The following SCN4A variants were observed in gnomAD, a reference collection of about 807,000 sequenced individuals.
SCN4A encodes sodium channel protein type 4 subunit alpha.
SCN4A carries 83 observed loss-of-function variants against 162.0 expected under a neutral mutation model. That is an observed-to-expected ratio of 0.51 (90% CI 0.43 to 0.61). The LOEUF (loss-of-function observed/expected upper bound fraction) is 0.61, where lower values mean the gene tolerates loss of function less well. Among genes scored for constraint, SCN4A ranks in the 20% least tolerant of loss-of-function variants. The pLI is 0.00. For missense variants in SCN4A, 2,196 were observed against 2,462.5 expected, an observed-to-expected ratio of 0.89 and a Z score of 2.29; for synonymous variants, 944 against 985.1, an observed-to-expected ratio of 0.96 and a Z score of 0.78.
At position 63,940,491 on chromosome 17, in the gene SCN4A, A is replaced by T; in HGVS notation, c.*280T>A. On this transcript the variant is annotated 3_prime_UTR_variant, in exon 24 of 24. Transcript: ENST00000435607. ...CCCCCAGGCCAAAAGGAGGGGCGAC[A>T]GGGCCCAGAGGAGGTCAGAGCAACT... is the stretch of plus-strand genomic sequence containing the variant. 2.5e-6 allele frequency: 1 copy of T among 407,094 alleles called. No individual in the cohort carries two copies. The highest frequency in any genetic ancestry group is 4.4e-6 in the Non-Finnish European group (1 of 229,272). 25.2% of individuals were successfully genotyped at this position (407,094 alleles called of 1,614,324 possible).
intron 11 of SCN4A, among the ~76,000 whole-genome samples, chr17:63,960,410 T>G (rs1221527747): frequency 6.6e-6 from 1 of 152,174 alleles, no homozygotes; most frequent in Admixed American, 6.5e-5. Flanking sequence ...CAGGGTTTGA[T>G]TCTCGTGCCA....
At chr17:63,952,249 G>A (rs1229276935) in intron 13 of SCN4A, among the ~76,000 whole-genome samples, 1 of 150,634 alleles carries the variant, frequency 6.6e-6, no homozygotes, top group African/African-American at 2.5e-5. Context: ...TCCAGACTCC[G>A]GGCTGGAGTG....
intron 10 of SCN4A, 70 bp from the exon 11 acceptor site, chr17:63,961,501 CTT>C (rs1436506305): frequency 9.5e-6 from 11 of 1,162,114 alleles, no homozygotes; most frequent in Non-Finnish European, 1.3e-5. Context: ...CCAGCTAGAG[CTT>C]TTGTTCCACC....
chr17:63,964,488 G>T lies in SCN4A; in HGVS notation c.1432C>A (p.His478Asn). 1.2e-6 allele frequency: 2 copies of T among 1,613,994 alleles called. No homozygotes were observed. The highest frequency in any genetic ancestry group is 1.7e-6 in the Non-Finnish European group (2 of 1,179,876). Reference protein sequence around the residue: ...FQQMLEKFKKHQEELEKAKAA... With the variant: ...FQQMLEKFKKNQEELEKAKAA... ...CAGACCTTCTCCAGCTCCTCCTGGT[G>T]CTTTTTGAACTTCTCAAGCATCTGC... The change falls in exon 9 of 24, where the codon CAC (histidine) becomes AAC (asparagine). Residue 478 changes from histidine to asparagine, a missense_variant. Transcript: ENST00000435607.
At chr17:63,952,753 T>TC (rs995483171) in intron 13 of SCN4A, among the ~76,000 whole-genome samples, 2 of 151,570 alleles carry the variant, frequency 1.3e-5, no homozygotes, top group African/African-American at 4.9e-5. Context: ...CTACTGCTGC[T>TC]CCCCCCCAGC....
rs928723561 is a variant in SCN4A, at chr17:63,942,317, CAGAGAG to C, written c.4289-330_4289-325del. ...TGTGAAAGAGACAGAGAGAGAGAGA[CAGAGAG>C]AGAGGGAGACAGAACAGCTGCGTGA... is the stretch of plus-strand genomic sequence containing the variant. On this transcript the variant is annotated intron_variant, in intron 23 of 23. Coordinates refer to ENST00000435607, the MANE Select transcript of SCN4A (RefSeq NM_000334.4). Among the ~76,000 whole-genome samples the C allele has an allele frequency of 2.8e-5, 4 of 144,158 alleles. No individual in the cohort carries two copies. In the South Asian group the frequency reaches 9.0e-4, roughly 32 times the overall value. 94.6% of individuals were successfully genotyped at this position (144,158 alleles called of 152,430 possible). A position where few individuals can be genotyped will look rare whatever the true frequency, so the allele number is the denominator to read the frequency against.
At position 63,944,598 on chromosome 17, in the gene SCN4A, C is replaced by A; in HGVS notation, c.3912+75G>T. The A allele has an allele frequency of 6.7e-7, 1 of 1,502,870 alleles. No individual in the cohort carries two copies. Among genetic ancestry groups the A allele is most frequent in the Non-Finnish European group, 9.0e-7 (1 of 1,108,848 alleles). The allele number at this position is 1,502,870 out of a possible 1,614,324, so 93.1% of individuals were successfully genotyped here. On this transcript the variant is annotated intron_variant, in intron 21 of 23. Coordinates refer to ENST00000435607, the MANE Select transcript of SCN4A (RefSeq NM_000334.4). This position sits in a 1 kb window ranked among gnomAD's most constrained non-coding sequence, Gnocchi z 4.3. The stretch of plus-strand genomic sequence containing the variant: ...CTCAGGCAGCGTTTGTGGGTTTGTG[C>A]AATGGAGAGTGGACAAAGGAGGCAG...
chr17:63,942,989 G>C lies in SCN4A; in HGVS notation c.4125C>G (p.Asp1375Glu). ...TGTCCACCTTGAGCTGGCTCTGGTT[G>C]TCTGTCTCCACCATCATGGTGACCA... The part of the protein sequence containing the change: ...LNMVTMMVET[D>E]NQSQLKVDIL... Residue 1375 changes from aspartate (D) to glutamate (E), a missense_variant, in exon 23 of 24, where the codon GAC (aspartate) becomes GAG (glutamate). Transcript: ENST00000435607. 6.2e-7 allele frequency: 1 copy of C among 1,613,982 alleles called. No homozygotes were observed. The highest frequency in any genetic ancestry group is 8.5e-7 in the Non-Finnish European group (1 of 1,179,854).
rs770836153 is a variant in SCN4A at position 63,942,896 on chromosome 17, G to C, written c.4218C>G (p.Ala1406=). Residue 1406 remains alanine, a synonymous_variant, in exon 23 of 24, where the codon GCC becomes GCG. Transcript: ENST00000435607. ...CAACGGTGAAGTAGTACTGGCGCAGGGCGAGCATCTTGAGCACGCACTCCC... is the reference window on the plus strand; with the variant it reads ...CAACGGTGAAGTAGTACTGGCGCAGCGCGAGCATCTTGAGCACGCACTCCC... ...FTGECVLKML[A]LRQYYFTVGW... is the part of the protein sequence containing the mutation. The C allele has an allele frequency of 1.2e-5, 20 of 1,613,924 alleles. No individual in the cohort carries two copies. The highest frequency in any genetic ancestry group is 1.7e-5 in the Non-Finnish European group (20 of 1,179,886).
intron 5 of SCN4A, among the ~76,000 whole-genome samples, 161 bp from the exon 6 acceptor site, chr17:63,968,516 C>T (rs1909525406): frequency 6.6e-6 from 1 of 152,244 alleles, no homozygotes; most frequent in South Asian, 2.1e-4. Context: ...CTCCACCCTT[C>T]TCTGTTCACA....
At chr17:63,960,802 G>A (rs573342206) in intron 11 of SCN4A, among the ~76,000 whole-genome samples, 3 of 152,100 alleles carry the variant, frequency 2.0e-5, no homozygotes, top group South Asian at 4.2e-4. Context: ...AGATCCCTTG[G>A]CTCCTTTCAG....
rs369874235 is a variant in SCN4A at position 63,948,722 on chromosome 17, C to G, written c.3033G>C (p.Gln1011His). 1.9e-6 allele frequency: 3 copies of G among 1,613,130 alleles called. No individual in the cohort carries two copies. Among genetic ancestry groups the G allele is most frequent in the African/African-American group, 2.7e-5 (2 of 74,940 alleles). Residue 1011 changes from glutamine to histidine, a missense_variant, in exon 16 of 24, where the codon CAG (glutamine) becomes CAC (histidine). Transcript: ENST00000435607. Reference sequence around the variant, plus strand: ...GAGTCCACCACTTCTTCCCACGGCCCTGGGAGATGTCCACGTAGAGGCAGG... The same window carrying G: ...GAGTCCACCACTTCTTCCCACGGCCGTGGGAGATGTCCACGTAGAGGCAGG... ...RWPCLYVDIS[Q>H]GRGKKWWTLR... is the part of the protein sequence containing the mutation.
In SCN4A at chr17:63,951,856, G is replaced by T; in HGVS notation, c.2421C>A (p.Ala807=). ...CCTCATCCGAGGCTGCCAGACTGTC[G>T]GCGCTGAAGGAGCTCAGCAGCAGAG... is the stretch of plus-strand genomic sequence containing the variant. ...FLALLLSSFS[A]DSLAASDEDG... The change falls in exon 14 of 24, where the codon GCC becomes GCA. Residue 807 remains alanine, a synonymous_variant. Coordinates refer to ENST00000435607, the MANE Select transcript of SCN4A (RefSeq NM_000334.4). The surrounding 1 kb of genome is among the most constrained non-coding windows in gnomAD (Gnocchi z 4.5). The T allele has an allele frequency of 6.4e-7, 1 of 1,558,070 alleles. No homozygotes were observed. The highest frequency in any genetic ancestry group is 8.7e-7 in the Non-Finnish European group (1 of 1,155,136).
At chr17:63,958,357 A>G (rs1909137993) in intron 12 of SCN4A, among the ~76,000 whole-genome samples, 1 of 152,182 alleles carries the variant, frequency 6.6e-6, no homozygotes, top group African/African-American at 2.4e-5. Context: ...CCTGTCTAAA[A>G]AAAAAAATAC....
chr17:63,945,080 G>A lies in SCN4A; in HGVS notation c.3721-20C>T, dbSNP rs758053088. Reference sequence around the variant, plus strand: ...GGTGGCCTGAGAGAGTGTGGTTGGGGAGTGAGCCGGGGGGCTGCTCCCTGC... The same window carrying A: ...GGTGGCCTGAGAGAGTGTGGTTGGGAAGTGAGCCGGGGGGCTGCTCCCTGC... On this transcript the variant is annotated intron_variant, in intron 19 of 23. Transcript: ENST00000435607. The surrounding 1 kb of genome is among the most constrained non-coding windows in gnomAD (Gnocchi z 4.4). The A allele has an allele frequency of 1.1e-5, 18 of 1,610,184 alleles. No homozygotes were observed. Among genetic ancestry groups the A allele is most frequent in the African/African-American group, 5.3e-5 (4 of 74,902 alleles).
Position 63,942,841 on chromosome 17 carries a change from T to C in SCN4A, c.4273A>G (p.Ile1425Val). 6.2e-7 allele frequency: 1 copy of C among 1,613,926 alleles called. No individual in the cohort carries two copies. The highest frequency in any genetic ancestry group is 8.5e-7 in the Non-Finnish European group (1 of 1,179,776). Residue 1425 changes from isoleucine (I) to valine (V), a missense_variant, in exon 23 of 24, where the codon ATC becomes GTC. Coordinates refer to ENST00000435607, the MANE Select transcript of SCN4A (RefSeq NM_000334.4). ...CCCCGCTCACCCACAATGGACAGGA[T>C]GACGACCACGAAGTCAAAGATGTTC... ...GWNIFDFVVV[I>V]LSIVGLALSD... is the part of the protein sequence containing the mutation.
intron 13 of SCN4A, among the ~76,000 whole-genome samples, chr17:63,954,000 C>T (rs1908995378): frequency 6.6e-6 from 1 of 152,180 alleles, no homozygotes; most frequent in Admixed American, 6.5e-5. Context: ...AGAATCCTGG[C>T]TGGGGTGAGG....
chr17:63,947,183 G>A lies in SCN4A; in HGVS notation c.3319-16C>T. 6.2e-7 allele frequency: 1 copy of A among 1,612,688 alleles called. No homozygotes were observed. The highest frequency in any genetic ancestry group is 8.5e-7 in the Non-Finnish European group (1 of 1,179,776). ...TGATGGAGACCTGCAGGGGAGGGGT[G>A]AGGGGATCAGTGCGTGCAAGGCCCC... On this transcript the variant is annotated splice_polypyrimidine_tract_variant and intron_variant, in intron 17 of 23. Transcript: ENST00000435607.
In SCN4A at chr17:63,965,483, C is replaced by T. The variant is rs141888212; in HGVS notation, c.1242+619G>A. Reference sequence around the variant, plus strand: ...AAGGCAAATAAAGTATGGGCAACATCGAATTTCTGTCTTTCTTTTTTTTCA... The same window carrying T: ...AAGGCAAATAAAGTATGGGCAACATTGAATTTCTGTCTTTCTTTTTTTTCA... On this transcript the variant is annotated intron_variant, in intron 8 of 23. Transcript: ENST00000435607. Among the ~76,000 whole-genome samples the T allele has an allele frequency of 8.1e-4, 123 of 151,758 alleles. 1 individual carries two copies. Among genetic ancestry groups the T allele is most frequent in the Non-Finnish European group, 1.1e-3 (74 of 67,858 alleles).
Sources: gnomAD v4.1 joint callset for allele counts (sites outside exome capture counted in the v4.1 genomes callset) on GRCh38, gnomAD v4.1.1 for gene constraint, Gnocchi (gnomAD v3.1) non-coding constraint, MANE v1.5 for transcripts, NCBI Gene and HGNC (gene_info 2026-07-23, HGNC 2026-07-21) for gene names.